The following ARHGAP26 variants were observed in gnomAD, a reference collection of about 807,000 sequenced individuals.
ARHGAP26 encodes Rho GTPase activating protein 26.
In ARHGAP26, 38 loss-of-function variants were observed where a neutral mutation model predicts 104.8. The observed-to-expected ratio is 0.36, with a 90% CI of 0.28 to 0.48. The LOEUF is 0.48. ARHGAP26 is among the 20% of genes least tolerant of loss of function. The pLI, the probability that ARHGAP26 is intolerant of heterozygous loss-of-function variation, is 0.99. For missense variants in ARHGAP26, 704 were observed against 947.9 expected, an observed-to-expected ratio of 0.74 and a Z score of 3.38; for synonymous variants, 341 against 340.0, an observed-to-expected ratio of 1.00 and a Z score of -0.03.
chr5:142,777,166 C>T (rs1756495636), intron 1 of ARHGAP26, among the ~76,000 whole-genome samples: 2 of 152,158 alleles, frequency 1.3e-5, no homozygotes, highest in South Asian at 4.1e-4. Flanking sequence ...TCCATTTGCC[C>T]TCTTTTGGGG....
intron 6 of ARHGAP26, among the ~76,000 whole-genome samples, chr5:142,894,592 A>G (rs2304041): frequency 0.11 from 16,859 of 152,166 alleles, 1,776 homozygotes; most frequent in African/African-American, 0.27. Flanking sequence ...TGGCTACCCA[A>G]TGATGTGCCA....
intron 11 of ARHGAP26, among the ~76,000 whole-genome samples, chr5:142,958,801 G>A (rs935711604): frequency 6.6e-6 from 1 of 151,816 alleles, no homozygotes; most frequent in Non-Finnish European, 1.5e-5. Flanking sequence ...GGGTGCAGTG[G>A]CTCATACCTA....
At chr5:142,772,892 G>T (rs753828542) in intron 1 of ARHGAP26, 4 of 533,318 alleles carry the variant, frequency 7.5e-6, no homozygotes, top group Non-Finnish European at 1.5e-5. Context: ...ACTAGTTTTT[G>T]GGGGCAAGAA....
chr5:143,158,504 C>T (rs1413421279), intron 20 of ARHGAP26, among the ~76,000 whole-genome samples: 1 of 152,104 alleles, frequency 6.6e-6, no homozygotes, highest in African/African-American at 2.4e-5. Flanking sequence ...CTCAGGAATT[C>T]CTCTCCAGCC....
At chr5:143,129,340 A>G (rs1259221055) in intron 18 of ARHGAP26, among the ~76,000 whole-genome samples, 1 of 152,176 alleles carries the variant, frequency 6.6e-6, no homozygotes, top group Non-Finnish European at 1.5e-5. Context: ...TGAATGTCAA[A>G]CTGTATTAGG....
intron 20 of ARHGAP26, among the ~76,000 whole-genome samples, chr5:143,161,036 G>A (rs1801171665): frequency 7.5e-6 from 1 of 132,658 alleles, no homozygotes; most frequent in African/African-American, 2.9e-5. Context: ...TTGAGATGGA[G>A]TCTCTTACCT....
intron 12 of ARHGAP26, among the ~76,000 whole-genome samples, chr5:143,025,354 C>T (rs1292969440): frequency 2.0e-5 from 3 of 152,248 alleles, no homozygotes; most frequent in East Asian, 3.9e-4. Flanking sequence ...TTGTTGTGAC[C>T]AACAAATTGT....
intron 21 of ARHGAP26, 80 bp downstream of exon 21, chr5:143,207,388 A>G (rs1359248362): frequency 6.2e-7 from 1 of 1,614,074 alleles, no homozygotes; most frequent in Non-Finnish European, 8.5e-7. Context: ...TGCAGTGTTC[A>G]GCCTCCTCGT....
chr5:143,144,763 A>G (rs927590407), intron 19 of ARHGAP26, among the ~76,000 whole-genome samples: 2 of 152,166 alleles, frequency 1.3e-5, no homozygotes, highest in African/African-American at 4.8e-5. Context: ...GTCTTGGTAT[A>G]GTTTGCTATA....
chr5:142,974,433 T>G, intron 11 of ARHGAP26, among the ~76,000 whole-genome samples: 1 of 152,202 alleles, frequency 6.6e-6, no homozygotes, highest in East Asian at 1.9e-4. Flanking sequence ...GTTGGAAAAT[T>G]ACAGGCAATG....
At chr5:143,058,194 G>T (rs1380662521) in intron 17 of ARHGAP26, 1 of 401,834 alleles carries the variant, frequency 2.5e-6, no homozygotes, top group Non-Finnish European at 4.8e-6. Flanking sequence ...TGCTTAACCA[G>T]CCCTGAACAA....
chr5:142,805,467 G>A (rs1437195450), intron 1 of ARHGAP26, among the ~76,000 whole-genome samples: 3 of 152,126 alleles, frequency 2.0e-5, no homozygotes, highest in Non-Finnish European at 2.9e-5. Flanking sequence ...TGGCTATTAT[G>A]TATGTTGCTA....
intron 17 of ARHGAP26, among the ~76,000 whole-genome samples, chr5:143,107,554 C>T (rs1456378161): frequency 1.3e-5 from 2 of 152,166 alleles, no homozygotes; most frequent in African/African-American, 4.8e-5. Flanking sequence ...ACTAAGATGT[C>T]AGGCTGTGAT....
chr5:142,883,476 G>C (rs935642017), intron 4 of ARHGAP26, among the ~76,000 whole-genome samples: 4 of 152,252 alleles, frequency 2.6e-5, no homozygotes, highest in African/African-American at 9.6e-5. Flanking sequence ...TATGTGAACA[G>C]TCTTTTAAGC....
At chr5:143,174,221 TG>T in intron 20 of ARHGAP26, among the ~76,000 whole-genome samples, 1 of 152,346 alleles carries the variant, frequency 6.6e-6, no homozygotes, top group East Asian at 1.9e-4. Context: ...AGGATCCGGT[TG>T]GGTATGTTGT....
intron 11 of ARHGAP26, among the ~76,000 whole-genome samples, chr5:142,980,337 A>T (rs191320164): frequency 1.4e-4 from 20 of 145,234 alleles, no homozygotes; most frequent in African/African-American, 4.7e-4. Context: ...TATTGTGCAT[A>T]AAGCCTCTAG....
At chr5:143,056,176 AC>A in intron 16 of ARHGAP26, 90 bp downstream of exon 16, 2 of 1,078,956 alleles carry the variant, frequency 1.9e-6, no homozygotes, top group East Asian at 2.4e-5. Flanking sequence ...ATATTACCTA[AC>A]CCTTCGTATT....
chr5:143,179,490 C>T (rs1348317521), intron 20 of ARHGAP26, among the ~76,000 whole-genome samples: 1 of 152,192 alleles, frequency 6.6e-6, no homozygotes, highest in Non-Finnish European at 1.5e-5. Context: ...TGCACATTGC[C>T]CTTGCTGCTC....
Position 142,783,998 on chromosome 5 carries a change from C to T in ARHGAP26, c.154+13083C>T, listed in dbSNP as rs76181518. Among the ~76,000 whole-genome samples, 1,102 of 152,290 alleles carry T rather than the reference C, an allele frequency of 7.2e-3. 57 individuals carry two copies. In the East Asian group the frequency reaches 0.14, roughly 20 times the overall value. ...TGGAGGCCAGGGCAGGCACTGGAGG[C>T]GAGTGCCTCAGCATCCGTAGGCTTC... On this transcript the variant is annotated intron_variant, in intron 1 of 22. Transcript: ENST00000645722.
Sources: allele counts gnomAD v4.1 joint callset (sites outside exome capture counted in the v4.1 genomes callset), GRCh38; gene constraint gnomAD v4.1.1; transcripts MANE v1.5; gene names NCBI Gene and HGNC (gene_info 2026-07-23, HGNC 2026-07-21).